OXNAD1: variants seen among roughly 807,000 people sequenced by gnomAD.
OXNAD1 encodes the protein oxidoreductase NAD binding domain containing 1, also known as oxidoreductase NAD-binding domain-containing protein 1.
OXNAD1 carries 34 observed loss-of-function variants against 32.9 expected under a neutral mutation model. The ratio of observed to expected loss-of-function variants is 1.03; its 90% CI spans 0.79 to 1.38. The LOEUF is 1.38. OXNAD1 is among the 40% of genes most tolerant of loss of function. The probability of loss-of-function intolerance (pLI) is 0.00; values close to 1 mark genes in which losing one functional copy is unlikely to be tolerated. For missense variants in OXNAD1, 407 were observed against 379.4 expected (o/e 1.07, Z -0.60); for synonymous variants, 134 against 135.2 (o/e 0.99, Z 0.06).
chr3:16,337,740 C>CAAAAA (rs5846920), downstream of OXNAD1, among the ~76,000 whole-genome samples: 1 of 95,164 alleles, frequency 1.1e-5, no homozygotes, highest in Non-Finnish European at 2.4e-5. The surrounding 1 kb of genome is among the most constrained non-coding windows in gnomAD (Gnocchi z 5.0). Flanking sequence ...GACTCCATCT[C>CAAAAA]AAAAAAAAAA....
chr3:16,316,503 C>T lies in OXNAD1; in HGVS notation c.*30+12911C>T, dbSNP rs115850037. The T allele has an allele frequency of 5.6e-6, 2 of 359,244 alleles. No homozygotes were observed. Among genetic ancestry groups the T allele is most frequent in the Non-Finnish European group, 1.0e-5 (2 of 195,056 alleles). 22.3% of individuals were successfully genotyped at this position (359,244 alleles called of 1,614,324 possible). ...CGAATGCTCCCTGGAGGCCCTGTGG[C>T]GAGGACAGGCACTGGATGGTCCAGA... is the stretch of plus-strand genomic sequence containing the variant. On this transcript the variant is annotated intron_variant, in intron 9 of 9. Transcript: ENST00000435829. This position sits in a 1 kb window ranked among gnomAD's most constrained non-coding sequence, Gnocchi z 4.5.
At position 16,348,177 on chromosome 3, in the gene OXNAD1, G is replaced by A. The variant is rs2071862193; in HGVS notation, c.*31-999G>A. The A allele has an allele frequency of 1.3e-5, 2 of 152,086 alleles. No homozygotes were observed. Among genetic ancestry groups the A allele is most frequent in the African/African-American group, 4.8e-5 (2 of 41,416 alleles). 9.4% of individuals were successfully genotyped at this position (152,086 alleles called of 1,614,324 possible). A position where few individuals can be genotyped will look rare whatever the true frequency, so the allele number is the denominator to read the frequency against. ...CAGGGCAGGCTCCTGGAGCTCAGGA[G>A]CAGGGCTTTGCTAAGAGGCACAAGT... On this transcript the variant is annotated intron_variant, in intron 9 of 9. Coordinates refer to the OXNAD1 transcript ENST00000606098. This position sits in a 1 kb window ranked among gnomAD's most constrained non-coding sequence, Gnocchi z 6.3.
downstream of OXNAD1, among the ~76,000 whole-genome samples, chr3:16,308,247 A>G (rs1306913540): frequency 6.6e-6 from 1 of 152,208 alleles, no homozygotes; most frequent in Non-Finnish European, 1.5e-5. This position sits in a 1 kb window ranked among gnomAD's most constrained non-coding sequence, Gnocchi z 4.4. Context: ...TTTTGCACCT[A>G]TCACTGTTTG....
chr3:16,271,539 A>G lies in OXNAD1; in HGVS notation c.120-120A>G, dbSNP rs2064943132. The G allele has an allele frequency of 8.2e-6, 7 of 852,460 alleles. No homozygotes were observed. The highest frequency in any genetic ancestry group is 3.0e-4 in the Middle Eastern group (1 of 3,334). 52.8% of individuals were successfully genotyped at this position (852,460 alleles called of 1,614,324 possible). ...TTAGACGGGCAGATACTCACTGGCC[A>G]TTTTATAGGATCTGTAATGTTACAC... On this transcript the variant is annotated intron_variant, in intron 3 of 8. Coordinates refer to ENST00000285083, the MANE Select transcript of OXNAD1 (RefSeq NM_138381.5). This position sits in a 1 kb window ranked among gnomAD's most constrained non-coding sequence, Gnocchi z 4.6.
chr3:16,279,903 A>G (rs770193702), intron 4 of OXNAD1, among the ~76,000 whole-genome samples: 2 of 152,152 alleles, frequency 1.3e-5, no homozygotes, highest in Admixed American at 1.3e-4. Context: ...TGTAATATGA[A>G]TGGGAGCAGA....
chr3:16,326,787 G>C (rs1435790929), intron 9 of OXNAD1: 1 of 1,613,812 alleles, frequency 6.2e-7, no homozygotes, highest in East Asian at 2.2e-5. Context: ...TAGTCTTGAC[G>C]ACGGGAGTTG....
downstream of OXNAD1, among the ~76,000 whole-genome samples, chr3:16,340,804 A>G (rs1477986019): frequency 1.3e-5 from 2 of 152,154 alleles, no homozygotes; most frequent in Non-Finnish European, 2.9e-5. Flanking sequence ...CAAAGGTGAA[A>G]TTTGTTTCCG....
rs759999194 is a variant in OXNAD1, at chr3:16,302,468, C to G, written c.676-172C>G. On this transcript the variant is annotated intron_variant, in intron 7 of 8. Coordinates refer to ENST00000285083, the MANE Select transcript of OXNAD1 (RefSeq NM_138381.5). This position sits in a 1 kb window ranked among gnomAD's most constrained non-coding sequence, Gnocchi z 4.2. ...AGATTTCAATTAAAGCCAAATAGCC[C>G]TCTGTAGTCTGAATGCTCTGGCCTG... Among the ~76,000 whole-genome samples, 5 of 152,122 alleles carry G rather than the reference C, an allele frequency of 3.3e-5. No individual in the cohort carries two copies. The highest frequency in any genetic ancestry group is 7.2e-5 in the African/African-American group (3 of 41,408).
intron 9 of OXNAD1, among the ~76,000 whole-genome samples, chr3:16,319,969 T>TG (rs1265584796): frequency 2.6e-5 from 4 of 152,292 alleles, no homozygotes; most frequent in East Asian, 3.9e-4. Flanking sequence ...TGCACTGAGT[T>TG]GGGGGCCTTC....
At chr3:16,331,203 T>G (rs1212494283) in intron 9 of OXNAD1, among the ~76,000 whole-genome samples, 1 of 152,204 alleles carries the variant, frequency 6.6e-6, no homozygotes, top group Non-Finnish European at 1.5e-5. Flanking sequence ...CTGCAAAAAC[T>G]ACTTCTGTGT....
chr3:16,319,855 A>G (rs563473966), intron 9 of OXNAD1, among the ~76,000 whole-genome samples: 10 of 152,206 alleles, frequency 6.6e-5, no homozygotes, highest in Non-Finnish European at 1.5e-4. Flanking sequence ...TGACATCCAC[A>G]CCACTTAAAG....
intron 2 of OXNAD1, among the ~76,000 whole-genome samples, chr3:16,270,222 C>T (rs2124968378): frequency 6.6e-6 from 1 of 152,350 alleles, no homozygotes; most frequent in East Asian, 1.9e-4. Context: ...TGATTTCTGA[C>T]ATCATGGATT....
chr3:16,342,924 C>G lies in OXNAD1; in HGVS notation c.*31-6252C>G, dbSNP rs1011213454. Among the ~76,000 whole-genome samples, 6 of 152,200 alleles carry G rather than the reference C, an allele frequency of 3.9e-5. No individual in the cohort carries two copies. The highest frequency in any genetic ancestry group is 1.4e-4 in the African/African-American group (6 of 41,450). On this transcript the variant is annotated intron_variant, in intron 9 of 9. Transcript: ENST00000606098. The surrounding 1 kb of genome is among the most constrained non-coding windows in gnomAD (Gnocchi z 4.0). ...TCTCGATCTCAGCTCACTGCAGCCT[C>G]AACCTCCCAGGCTCAAGTGAGCCTC...
intron 9 of OXNAD1, among the ~76,000 whole-genome samples, chr3:16,347,234 C>T (rs2071785547): frequency 1.3e-5 from 2 of 152,218 alleles, no homozygotes; most frequent in Admixed American, 6.5e-5. Context: ...CACATGCAAA[C>T]ATACTGTCAA....
downstream of OXNAD1, among the ~76,000 whole-genome samples, chr3:16,339,082 T>G (rs1442291595): frequency 3.3e-5 from 5 of 152,318 alleles, no homozygotes; most frequent in East Asian, 9.6e-4. Flanking sequence ...CAACACACCA[T>G]GTGCTGGGCT....
chr3:16,309,666 A>G (rs573441760), downstream of OXNAD1, among the ~76,000 whole-genome samples: 3 of 151,884 alleles, frequency 2.0e-5, no homozygotes, highest in Admixed American at 6.6e-5. Flanking sequence ...AAAATGAGGC[A>G]GATTGGTTGG....
rs1275673258 is a variant in OXNAD1 at position 16,317,916 on chromosome 3, C to T, written c.*30+14324C>T. On this transcript the variant is annotated intron_variant, in intron 9 of 9. Coordinates refer to the OXNAD1 transcript ENST00000435829. This position sits in a 1 kb window ranked among gnomAD's most constrained non-coding sequence, Gnocchi z 4.3. ...AATGCCATCCCAGCTCCAAGCCAAC[C>T]TGGGGGATTGTGACTGCATCACAGC... is the stretch of plus-strand genomic sequence containing the variant. Among the ~76,000 whole-genome samples the T allele has an allele frequency of 6.6e-6, 1 of 152,192 alleles. No homozygotes were observed. The highest frequency in any genetic ancestry group is 1.5e-5 in the Non-Finnish European group (1 of 68,040).
At position 16,271,040 on chromosome 3, in the gene OXNAD1, C is replaced by T; in HGVS notation, c.88C>T (p.Leu30Phe). The T allele has an allele frequency of 6.2e-7, 1 of 1,614,166 alleles. No individual in the cohort carries two copies. The highest frequency in any genetic ancestry group is 8.5e-7 in the Non-Finnish European group (1 of 1,180,026). Residue 30 changes from leucine (L) to phenylalanine (F), a missense_variant, in exon 3 of 9, where the codon CTC becomes TTC. Transcript: ENST00000285083. The surrounding 1 kb of genome is among the most constrained non-coding windows in gnomAD (Gnocchi z 4.6). ...TGAGGCTGCGTCACTGAGATTGACACTCAGCACTTTGCGCCACCTTACTCT... is the reference window on the plus strand; with the variant it reads ...TGAGGCTGCGTCACTGAGATTGACATTCAGCACTTTGCGCCACCTTACTCT... The part of the protein sequence containing the change: ...RIEAASLRLT[L>F]STLRHLTLTS...
At chr3:16,349,530 C>T (rs761931121) in exon 10 of OXNAD1, 3 of 152,226 alleles carry the variant, frequency 2.0e-5, no homozygotes, top group African/African-American at 4.8e-5. Flanking sequence ...ATGTGAACTA[C>T]GTATGTGCAT....
Sources: gnomAD v4.1 joint callset for allele counts (sites outside exome capture counted in the v4.1 genomes callset) on GRCh38, gnomAD v4.1.1 for gene constraint, Gnocchi (gnomAD v3.1) non-coding constraint, MANE v1.5 for transcripts, NCBI Gene and HGNC (gene_info 2026-07-23, HGNC 2026-07-21) for gene names.